AGBL1: variants seen among roughly 807,000 people sequenced by gnomAD.
The protein encoded by AGBL1 is AGBL carboxypeptidase 1, also known as cytosolic carboxypeptidase 4.
In AGBL1, 130 loss-of-function variants were observed where a neutral mutation model predicts 118.9. The observed-to-expected ratio is 1.09, with a 90% CI of 0.95 to 1.26. The LOEUF (loss-of-function observed/expected upper bound fraction) is 1.26, where lower values mean the gene tolerates loss of function less well. Ranked by LOEUF, AGBL1 falls within the 50% of genes most tolerant of loss-of-function variation. The pLI is 0.00. For missense variants in AGBL1, 1,584 were observed against 1,298.1 expected (o/e 1.22, Z -3.38); for synonymous variants, 555 against 478.9 (o/e 1.16, Z -2.08).
upstream of AGBL1, chr15:86,079,840 T>C (rs1046438955): frequency 1.1e-5 from 6 of 533,708 alleles, no homozygotes; most frequent in Non-Finnish European, 1.1e-5. Context: ...GACTTCACAC[T>C]CAGCAGCATG....
chr15:86,689,759 C>T (rs1017913200), intron 22 of AGBL1, among the ~76,000 whole-genome samples: 2 of 152,002 alleles, frequency 1.3e-5, no homozygotes, highest in Non-Finnish European at 2.9e-5. Context: ...TACTACAACA[C>T]ATTAGGATAA....
chr15:86,276,955 C>A (rs1486711739), intron 15 of AGBL1, among the ~76,000 whole-genome samples: 1 of 152,076 alleles, frequency 6.6e-6, no homozygotes, highest in Non-Finnish European at 1.5e-5. Context: ...GTTTAAAGGC[C>A]TCTGCAGAGG....
At chr15:86,617,819 G>T (rs1424770163) in intron 21 of AGBL1, among the ~76,000 whole-genome samples, 1 of 151,642 alleles carries the variant, frequency 6.6e-6, no homozygotes, top group Non-Finnish European at 1.5e-5. Context: ...GAGAGAAAGA[G>T]ATTTTTTCTT....
chr15:86,431,674 G>T (rs1480266742), intron 18 of AGBL1, among the ~76,000 whole-genome samples: 1 of 152,148 alleles, frequency 6.6e-6, no homozygotes, highest in Non-Finnish European at 1.5e-5. Flanking sequence ...TAAGCCAAAG[G>T]ATTCCACACG....
intron 18 of AGBL1, among the ~76,000 whole-genome samples, chr15:86,406,351 C>T (rs747416689): frequency 2.0e-5 from 3 of 152,168 alleles, no homozygotes; most frequent in Admixed American, 6.5e-5. Flanking sequence ...ACCGAGTGCT[C>T]AACATGCCGT....
At chr15:86,307,792 T>A (rs2079862898) in intron 17 of AGBL1, among the ~76,000 whole-genome samples, 1 of 152,126 alleles carries the variant, frequency 6.6e-6, no homozygotes. Flanking sequence ...TAGTATCTTA[T>A]AAAATAATTT....
At chr15:86,976,703 CAA>C (rs1284307073) in intron 23 of AGBL1, among the ~76,000 whole-genome samples, 1 of 151,914 alleles carries the variant, frequency 6.6e-6, no homozygotes, top group Non-Finnish European at 1.5e-5. Flanking sequence ...TTAAACTCTT[CAA>C]AGTTGATAGA....
intron 1 of AGBL1, among the ~76,000 whole-genome samples, chr15:86,111,012 G>A (rs1419826525): frequency 1.3e-5 from 2 of 152,226 alleles, no homozygotes; most frequent in African/African-American, 4.8e-5. Flanking sequence ...TCTCCCAGAA[G>A]CAAGGCATGA....
chr15:86,319,743 G>GTTTTTTTTTTTTTTTTTTTTTTTT, intron 17 of AGBL1, among the ~76,000 whole-genome samples: 1 of 47,254 alleles, frequency 2.1e-5, no homozygotes. Flanking sequence ...CTCTTTGGTA[G>GTTTTTTTTTTTTTTTTTTTTTTTT]TTTTTTTTTT....
chr15:86,770,906 C>G (rs1280270107), intron 22 of AGBL1, among the ~76,000 whole-genome samples: 1 of 152,086 alleles, frequency 6.6e-6, no homozygotes, highest in Non-Finnish European at 1.5e-5. Context: ...GGGCACACAG[C>G]TAGATTACCT....
chr15:86,467,202 C>T (rs1220532191), intron 18 of AGBL1, among the ~76,000 whole-genome samples: 1 of 152,182 alleles, frequency 6.6e-6, no homozygotes, highest in East Asian at 1.9e-4. Context: ...TGCAGTCTGG[C>T]TACAGAGGCT....
At chr15:86,994,925 T>C (rs2081366803) in intron 24 of AGBL1, among the ~76,000 whole-genome samples, 1 of 152,226 alleles carries the variant, frequency 6.6e-6, no homozygotes, top group African/African-American at 2.4e-5. Context: ...AATATGAGGC[T>C]GTAATGAACT....
At chr15:86,161,961 G>A (rs2077272361) in intron 5 of AGBL1, among the ~76,000 whole-genome samples, 1 of 152,204 alleles carries the variant, frequency 6.6e-6, no homozygotes, top group Admixed American at 6.5e-5. Flanking sequence ...GACATCGTGT[G>A]CTTTGACATG....
At chr15:86,273,843 G>A (rs1256785037) in intron 15 of AGBL1, among the ~76,000 whole-genome samples, 1 of 152,106 alleles carries the variant, frequency 6.6e-6, no homozygotes, top group Non-Finnish European at 1.5e-5. Flanking sequence ...TTTATAGAAG[G>A]GTGAAAGGAA....
chr15:86,745,520 G>A (rs1185562573), intron 22 of AGBL1, among the ~76,000 whole-genome samples: 1 of 151,934 alleles, frequency 6.6e-6, no homozygotes, highest in Non-Finnish European at 1.5e-5. Context: ...GTCTTTTTCT[G>A]GACCTTATGT....
downstream of AGBL1, among the ~76,000 whole-genome samples, chr15:86,920,677 A>T (rs961659291): frequency 1.3e-5 from 2 of 152,210 alleles, no homozygotes; most frequent in Admixed American, 1.3e-4. Context: ...TGACAATCCT[A>T]TAACATAGGT....
chr15:86,295,258 C>T lies in AGBL1; in HGVS notation c.2224C>T (p.His742Tyr). ...YPYTYTALMTHLDILEKSVNL... is the reference protein window; with the variant it reads ...YPYTYTALMTYLDILEKSVNL... Reference sequence around the variant, plus strand: ...GCCTGCTTTATTTCTGCTCCAGACTCATCTTGACATCCTGGAAAAGAGTGT... The same window carrying T: ...GCCTGCTTTATTTCTGCTCCAGACTTATCTTGACATCCTGGAAAAGAGTGT... The change falls in exon 17 of 23, where the codon CAT becomes TAT. Residue 742 changes from histidine (H) to tyrosine (Y), a missense_variant. His to Tyr is a moderately conservative substitution (Grantham distance 83). Transcript: ENST00000614907. 3 of 1,613,510 alleles carry T rather than the reference C, an allele frequency of 1.9e-6. No individual in the cohort carries two copies. The highest frequency in any genetic ancestry group is 2.5e-6 in the Non-Finnish European group (3 of 1,179,650).
chr15:86,190,639 T>G lies in AGBL1; in HGVS notation c.488+31613T>G, dbSNP rs370344113. Among the ~76,000 whole-genome samples, 35 of 152,316 alleles carry G rather than the reference T, an allele frequency of 2.3e-4. 1 individual carries two copies. In the South Asian group the frequency reaches 7.2e-3, roughly 32 times the overall value. ...TAGAATGCATAAAAGCAGATATAAC[T>G]GACTCAGGCTGTGTAAAGACAAACA... On this transcript the variant is annotated intron_variant, in intron 5 of 22. Coordinates refer to ENST00000614907, the MANE Select transcript of AGBL1 (RefSeq NM_001386094.1).
At chr15:86,919,306 G>T (rs1053118463), downstream of AGBL1, among the ~76,000 whole-genome samples, 14 of 152,294 alleles carry the variant, frequency 9.2e-5, no homozygotes, top group Non-Finnish European at 1.6e-4. Context: ...TGTTGAAATA[G>T]ATTTTCCTGT....
Sources: allele counts gnomAD v4.1 joint callset (sites outside exome capture counted in the v4.1 genomes callset), GRCh38; gene constraint gnomAD v4.1.1; transcripts MANE v1.5; gene names NCBI Gene and HGNC (gene_info 2026-07-23, HGNC 2026-07-21).